The following COL14A1 variants were observed in gnomAD, a reference collection of about 807,000 sequenced individuals.
COL14A1 encodes the protein collagen alpha-1(XIV) chain.
Under a neutral mutation model 230.3 loss-of-function variants are expected in COL14A1, and 136 were observed. The observed-to-expected ratio is 0.59, with a 90% CI of 0.51 to 0.68. The LOEUF is 0.68. Among genes scored for constraint, COL14A1 ranks in the 30% least tolerant of loss-of-function variants. COL14A1 has a pLI of 0.00. For missense variants in COL14A1, 1,976 were observed against 2,215.8 expected, an observed-to-expected ratio of 0.89 and a Z score of 2.17; for synonymous variants, 792 against 784.1, an observed-to-expected ratio of 1.01 and a Z score of -0.17.
At chr8:120,236,932 G>A in intron 19 of COL14A1, among the ~76,000 whole-genome samples, 1 of 152,186 alleles carries the variant, frequency 6.6e-6, no homozygotes, top group East Asian at 1.9e-4. Context: ...CTTTAAGAAT[G>A]TTGAATGTTG....
At chr8:120,241,282 C>A (rs1038640416) in intron 19 of COL14A1, among the ~76,000 whole-genome samples, 4 of 152,142 alleles carry the variant, frequency 2.6e-5, no homozygotes, top group African/African-American at 9.7e-5. Flanking sequence ...ATTAAAATGA[C>A]ACCACCACCA....
chr8:120,308,140 C>G (rs929080366), intron 36 of COL14A1, among the ~76,000 whole-genome samples: 1 of 152,208 alleles, frequency 6.6e-6, no homozygotes, highest in Non-Finnish European at 1.5e-5. Flanking sequence ...TGCCACCACA[C>G]TCAGCTAACT....
intron 40 of COL14A1, among the ~76,000 whole-genome samples, chr8:120,326,672 T>A (rs1821680087): frequency 6.6e-6 from 1 of 152,178 alleles, no homozygotes; most frequent in Admixed American, 6.5e-5. Flanking sequence ...TCACAATTTA[T>A]AATAAGAAAA....
At chr8:120,294,301 G>A (rs1361439123) in intron 34 of COL14A1, among the ~76,000 whole-genome samples, 4 of 151,748 alleles carry the variant, frequency 2.6e-5, no homozygotes, top group Admixed American at 2.6e-4. Flanking sequence ...TTGACCCCAA[G>A]TGACTTGCCT....
intron 24 of COL14A1, among the ~76,000 whole-genome samples, chr8:120,264,463 C>T (rs1227574327): frequency 1.3e-5 from 2 of 152,128 alleles, no homozygotes; most frequent in African/African-American, 4.8e-5. Context: ...CATCTCTGAG[C>T]TTTTCACTCA....
chr8:120,362,243 C>A (rs896031185), intron 45 of COL14A1, among the ~76,000 whole-genome samples: 2 of 152,152 alleles, frequency 1.3e-5, no homozygotes, highest in Non-Finnish European at 2.9e-5. Context: ...GTTACCCTCT[C>A]AGGATTCAGC....
intron 40 of COL14A1, 121 bp from the exon 41 acceptor site, chr8:120,332,020 C>A: frequency 1.2e-6 from 1 of 805,770 alleles, no homozygotes; most frequent in South Asian, 1.7e-5. Context: ...GCAGTGAATC[C>A]TTGGTAGTCC....
At chr8:120,189,832 G>A (rs1420388749) in intron 5 of COL14A1, among the ~76,000 whole-genome samples, 1 of 152,062 alleles carries the variant, frequency 6.6e-6, no homozygotes, top group Non-Finnish European at 1.5e-5. Flanking sequence ...TTTTATGGCT[G>A]TATAGTATTC....
intron 5 of COL14A1, among the ~76,000 whole-genome samples, chr8:120,186,198 T>C (rs1409589403): frequency 6.6e-6 from 1 of 152,242 alleles, no homozygotes; most frequent in Non-Finnish European, 1.5e-5. Flanking sequence ...TTTTTGGCAA[T>C]GTAAAATGAC....
chr8:120,162,997 C>T lies in COL14A1; in HGVS notation c.349+428C>T, dbSNP rs564177780. Among the ~76,000 whole-genome samples the T allele has an allele frequency of 9.8e-5, 15 of 152,288 alleles. No individual in the cohort carries two copies. The South Asian group carries it at 3.1e-3, about 32-fold the overall frequency. On this transcript the variant is annotated intron_variant, in intron 4 of 47. Transcript: ENST00000297848. ...TTTATTTCTCATTGTATCACAGTTGCATATTACAGGCCTGGCATATAATGG... is the reference window on the plus strand; with the variant it reads ...TTTATTTCTCATTGTATCACAGTTGTATATTACAGGCCTGGCATATAATGG...
intron 5 of COL14A1, among the ~76,000 whole-genome samples, chr8:120,172,517 T>C (rs931544394): frequency 6.6e-6 from 1 of 152,194 alleles, no homozygotes; most frequent in African/African-American, 2.4e-5. Context: ...TAGGATGATG[T>C]GTCACTTTGG....
Position 120,209,879 on chromosome 8 carries a change from G to A in COL14A1, c.1445G>A (p.Gly482Asp). Residue 482 changes from glycine to aspartate, a missense_variant, in exon 12 of 48, where the codon GGC becomes GAC. This residue lies in a region of COL14A1 where 1,791 missense variants were observed against 2,019.5 expected (regional missense o/e 0.89). Transcript: ENST00000297848. ...ATCCTTTATGCTCCTCTAACAGAGGGCCTGGCTGGGGATGAAAAAGAGGTA... is the reference window on the plus strand; with the variant it reads ...ATCCTTTATGCTCCTCTAACAGAGGACCTGGCTGGGGATGAAAAAGAGGTA... The part of the protein sequence containing the change: ...YLILYAPLTE[G>D]LAGDEKEMKI... 2 of 1,608,806 alleles carry A rather than the reference G, an allele frequency of 1.2e-6. No individual in the cohort carries two copies. Among genetic ancestry groups the A allele is most frequent in the Non-Finnish European group, 1.7e-6 (2 of 1,177,950 alleles).
intron 18 of COL14A1, among the ~76,000 whole-genome samples, chr8:120,231,207 A>C (rs1818257252): frequency 2.0e-5 from 3 of 152,060 alleles, no homozygotes; most frequent in African/African-American, 7.2e-5. Context: ...TCTCTTTACT[A>C]GTGCACATAC....
At position 120,316,060 on chromosome 8, in the gene COL14A1, T is replaced by C. The variant is rs573139350; in HGVS notation, c.4659+63T>C. The C allele has an allele frequency of 7.4e-4, 1,134 of 1,539,060 alleles. 2 individuals carry two copies. The highest frequency in any genetic ancestry group is 9.1e-4 in the Non-Finnish European group (1,013 of 1,113,602). ...TGACCTTTTCACCAGGTCACTCTTA[T>C]TGCTGACAGGCTTCTATGTAAGGGA... is the stretch of plus-strand genomic sequence containing the variant. On this transcript the variant is annotated intron_variant, in intron 40 of 47. Transcript: ENST00000297848.
chr8:120,147,802 C>G lies in COL14A1; in HGVS notation c.-37-4C>G. On this transcript the variant is annotated splice_polypyrimidine_tract_variant and splice_region_variant and intron_variant, in intron 1 of 47. Coordinates refer to ENST00000297848, the MANE Select transcript of COL14A1 (RefSeq NM_021110.4). ...AAAAATGTTCCTGTTCTCTCTGTTT[C>G]TAGGTGGCTGCTACACCCCATGTAA... is the stretch of plus-strand genomic sequence containing the variant. 1 of 1,465,562 alleles carries G rather than the reference C, an allele frequency of 6.8e-7. No individual in the cohort carries two copies. The allele number at this position is 1,465,562 out of a possible 1,614,324, so 90.8% of individuals were successfully genotyped here.
At chr8:120,264,534 G>A (rs1190056243) in intron 24 of COL14A1, among the ~76,000 whole-genome samples, 1 of 152,010 alleles carries the variant, frequency 6.6e-6, no homozygotes, top group Non-Finnish European at 1.5e-5. Flanking sequence ...ACCAATAAAA[G>A]AATACTCATT....
chr8:120,234,877 T>C (rs945665344), intron 19 of COL14A1, among the ~76,000 whole-genome samples: 15 of 152,188 alleles, frequency 9.9e-5, no homozygotes, highest in Non-Finnish European at 1.9e-4. Flanking sequence ...CGAATAGTTT[T>C]AGAAGGAATG....
At chr8:120,168,649 A>G (rs977744254) in intron 5 of COL14A1, among the ~76,000 whole-genome samples, 5 of 152,154 alleles carry the variant, frequency 3.3e-5, no homozygotes, top group African/African-American at 7.2e-5. Flanking sequence ...CCGAATGTCT[A>G]TGTCTCTATT....
chr8:120,308,098 C>T (rs1370581020), intron 36 of COL14A1, among the ~76,000 whole-genome samples: 1 of 152,208 alleles, frequency 6.6e-6, no homozygotes, highest in Non-Finnish European at 1.5e-5. Flanking sequence ...TCTCCTGCCT[C>T]AACCTCCCAA....
Sources: gnomAD v4.1 joint callset for allele counts (sites outside exome capture counted in the v4.1 genomes callset) on GRCh38, gnomAD v4.1.1 for gene constraint, gnomAD v4.1.1 regional missense constraint, MANE v1.5 for transcripts, NCBI Gene and HGNC (gene_info 2026-07-23, HGNC 2026-07-21) for gene names.